Variants in RALGDS observed in about 807,000 individuals in gnomAD.
RALGDS encodes the protein ral guanine nucleotide exchange factor.
A neutral mutation model predicts 99.8 loss-of-function variants in RALGDS; 44 were observed. The ratio of observed to expected loss-of-function variants is 0.44; its 90% CI spans 0.35 to 0.57. RALGDS has a LOEUF of 0.57. RALGDS is among the 20% of genes least tolerant of loss of function. The pLI is 0.01. For missense variants in RALGDS, 1,022 were observed against 1,203.1 expected (o/e 0.85, Z 2.23); for synonymous variants, 529 against 505.0 (o/e 1.05, Z -0.64).
At chr9:133,113,683 A>C (rs769885904) in intron 1 of RALGDS, among the ~76,000 whole-genome samples, 1 of 152,168 alleles carries the variant, frequency 6.6e-6, no homozygotes, top group Non-Finnish European at 1.5e-5. Flanking sequence ...CTTTGAAAAG[A>C]AAAGCATTAG....
rs1237405970 is a variant in RALGDS at position 133,112,145 on chromosome 9, G to A, written c.191C>T (p.Thr64Met). Reference protein sequence around the residue: ...DPDLPRPESSTQEIGEELING... With the variant: ...DPDLPRPESSMQEIGEELING... The stretch of plus-strand genomic sequence containing the variant: ...GATCAGCTCCTCACCGATCTCCTGC[G>A]TGGAGCTCTGTGAAGACAACGCCCG... Residue 64 changes from threonine to methionine, a missense_variant, in exon 2 of 18, where the codon ACG (threonine) becomes ATG (methionine). This residue lies in a region of RALGDS where 180 missense variants were observed against 169.3 expected (regional missense o/e 1.06). Coordinates refer to ENST00000372050, the MANE Select transcript of RALGDS (RefSeq NM_006266.4). The A allele has an allele frequency of 3.2e-6, 5 of 1,559,992 alleles. No homozygotes were observed. The highest frequency in any genetic ancestry group is 3.5e-6 in the Non-Finnish European group (4 of 1,151,418).
chr9:133,123,518 T>C (rs1468964584), upstream of RALGDS, among the ~76,000 whole-genome samples: 2 of 152,180 alleles, frequency 1.3e-5, no homozygotes, highest in Non-Finnish European at 2.9e-5. Context: ...CATCTGACTA[T>C]ATCATCTACA....
At chr9:133,138,267 T>C (rs1588570915) in intron 1 of RALGDS, among the ~76,000 whole-genome samples, 1 of 152,158 alleles carries the variant, frequency 6.6e-6, no homozygotes, top group East Asian at 1.9e-4. Flanking sequence ...CTTGGGACTC[T>C]AGGGCCCTGG....
In RALGDS at chr9:133,144,756, G is replaced by C. The variant is rs2119277612; in HGVS notation, c.18+4207C>G. The stretch of plus-strand genomic sequence containing the variant: ...AGGCACGCGGGTACCCGGCCTTTGG[G>C]AGGGGGATCATTCCCAATACTCCTG... On this transcript the variant is annotated intron_variant, in intron 1 of 17. Coordinates refer to the RALGDS transcript ENST00000393160. This position sits in a 1 kb window ranked among gnomAD's most constrained non-coding sequence, Gnocchi z 4.5. 6.6e-6 allele frequency among the ~76,000 whole-genome samples: 1 copy of C among 152,360 alleles called. No homozygotes were observed. Among genetic ancestry groups the C allele is most frequent in the Non-Finnish European group, 1.5e-5 (1 of 68,036 alleles).
At chr9:133,136,865 A>C (rs1372054503) in intron 1 of RALGDS, among the ~76,000 whole-genome samples, 1 of 152,172 alleles carries the variant, frequency 6.6e-6, no homozygotes, top group Non-Finnish European at 1.5e-5. Flanking sequence ...TAAATCCAGG[A>C]GGTGGAGGTT....
chr9:133,128,673 C>T (rs779450531), intron 1 of RALGDS, among the ~76,000 whole-genome samples: 1 of 152,146 alleles, frequency 6.6e-6, no homozygotes, highest in East Asian at 1.9e-4. Flanking sequence ...AGTGCAGATT[C>T]GGGTTCCAGT....
At chr9:133,118,731 G>A (rs1420663848) in intron 1 of RALGDS, among the ~76,000 whole-genome samples, 1 of 152,148 alleles carries the variant, frequency 6.6e-6, no homozygotes, top group Non-Finnish European at 1.5e-5. Context: ...CTGACCTCAG[G>A]GCTTCTGGGC....
At chr9:133,129,808 TTC>T (rs1460422722) in intron 1 of RALGDS, among the ~76,000 whole-genome samples, 1 of 132,474 alleles carries the variant, frequency 7.5e-6, no homozygotes, top group African/African-American at 2.7e-5. Flanking sequence ...ATTTCCTTTC[TTC>T]TTTTTTTTTT....
At chr9:133,131,125 C>T (rs926643027), upstream of RALGDS, 56 of 1,444,118 alleles carry the variant, frequency 3.9e-5, no homozygotes, top group Middle Eastern at 7.3e-4. Context: ...ACTGCCCCAG[C>T]AGCACCTCGC....
chr9:133,108,281 C>CTGGAGCTGGTGT lies in RALGDS; in HGVS notation c.892_903dup (p.Thr298_Pro301dup). 1.3e-6 allele frequency: 2 copies of CTGGAGCTGGTGT among 1,566,322 alleles called. No homozygotes were observed. The highest frequency in any genetic ancestry group is 1.9e-5 in the Admixed American group (1 of 52,494). On this transcript the variant is annotated inframe_insertion, in exon 6 of 18. Coordinates refer to ENST00000372050, the MANE Select transcript of RALGDS (RefSeq NM_006266.4). Reference sequence around the variant, plus strand: ...GCTGGAGCTACTTCTAGCTCTGAACCTGGAGCTGGTGTTGGAGCTGGCTCT... The same window carrying CTGGAGCTGGTGT: ...GCTGGAGCTACTTCTAGCTCTGAACCTGGAGCTGGTGTTGGAGCTGGTGTTGGAGCTGGCTCT...
At position 133,121,089 on chromosome 9, in the gene RALGDS, G is replaced by A; in HGVS notation, c.66C>T (p.Gly22=). Residue 22 remains glycine, a synonymous_variant, in exon 1 of 18, where the codon GGC becomes GGT. Transcript: ENST00000372050. The stretch of plus-strand genomic sequence containing the variant: ...CCCACACGCTGCGGCTCCGCCGGGA[G>A]CCCGGAAACAGCGGCTCGGCGCCGC... ...PAGGAEPLFP[G]SRRSRSVWDA... 1.4e-6 allele frequency: 2 copies of A among 1,478,678 alleles called. No homozygotes were observed. Among genetic ancestry groups the A allele is most frequent in the Middle Eastern group, 2.3e-4 (1 of 4,310 alleles). 91.6% of individuals were successfully genotyped at this position (1,478,678 alleles called of 1,614,324 possible). A position where few individuals can be genotyped will look rare whatever the true frequency, so the allele number is the denominator to read the frequency against.
rs1413993925 is a variant in RALGDS at position 133,105,848 on chromosome 9, A to AGCCCCCGCCCCC, written c.1602+83_1602+84insGGGGGCGGGGGC. On this transcript the variant is annotated intron_variant, in intron 9 of 17. Transcript: ENST00000372050. ...CAGCCCCCGCCCCAGCCCCCGCCCC[A>AGCCCCCGCCCCC]GCCCCCGCCCCAGCCCCAGCCCCCG... 4 of 181,738 alleles carry AGCCCCCGCCCCC rather than the reference A, an allele frequency of 2.2e-5. No individual in the cohort carries two copies. The African/African-American group carries it at 3.8e-4, about 17-fold the overall frequency. The allele number at this position is 181,738 out of a possible 1,614,324, so 11.3% of individuals were successfully genotyped here.
chr9:133,138,383 G>C (rs1832460221), intron 1 of RALGDS, among the ~76,000 whole-genome samples: 1 of 152,190 alleles, frequency 6.6e-6, no homozygotes, highest in South Asian at 2.1e-4. Context: ...AGGCTCAAGG[G>C]CCTCTCCTAT....
chr9:133,124,351 GAC>G (rs1358472218), upstream of RALGDS, among the ~76,000 whole-genome samples: 12 of 152,056 alleles, frequency 7.9e-5, no homozygotes, highest in African/African-American at 2.4e-5. Flanking sequence ...CAGAGATAGA[GAC>G]ACACAGACAG....
Position 133,110,419 on chromosome 9 carries a change from TCCAGCGTG to T in RALGDS, c.357_364del (p.Thr120GlufsTer26). 6.2e-7 allele frequency: 1 copy of T among 1,613,364 alleles called. No individual in the cohort carries two copies. Among genetic ancestry groups the T allele is most frequent in the Non-Finnish European group, 8.5e-7 (1 of 1,179,772 alleles). ...TGGCACCAGGTGCTCCACCAGCTTCTCCAGCGTGCCAGCCTTCACGGTCCGCACCTTGC... is the reference window on the plus strand; with the variant it reads ...TGGCACCAGGTGCTCCACCAGCTTCTCCAGCCTTCACGGTCCGCACCTTGC... On this transcript the variant is annotated frameshift_variant, in exon 3 of 18. Transcript: ENST00000372050. LOFTEE classifies it high-confidence loss of function.
intron 1 of RALGDS, chr9:133,148,890 C>G (rs73660456): frequency 2.6e-5 from 40 of 1,551,072 alleles, no homozygotes; most frequent in Non-Finnish European, 3.1e-5. Context: ...CTCCCTCCCC[C>G]CGGTGGGTGT....
At chr9:133,121,376 C>T (rs1257832675), upstream of RALGDS, 1 of 268,690 alleles carries the variant, frequency 3.7e-6, no homozygotes, top group Non-Finnish European at 5.7e-6. Context: ...CCGCCCTCGC[C>T]GAGGTCAGAC....
At chr9:133,118,789 C>T (rs1387198216) in intron 1 of RALGDS, among the ~76,000 whole-genome samples, 2 of 152,214 alleles carry the variant, frequency 1.3e-5, no homozygotes, top group African/African-American at 4.8e-5. Context: ...ACAGTAGGTG[C>T]CACAGAGAAC....
intron 1 of RALGDS, among the ~76,000 whole-genome samples, chr9:133,138,379 A>C (rs1235786916): frequency 1.3e-5 from 2 of 152,126 alleles, no homozygotes; most frequent in African/African-American, 2.4e-5. Flanking sequence ...GGCGAGGCTC[A>C]AGGGCCTCTC....
Sources: allele counts gnomAD v4.1 joint callset (sites outside exome capture counted in the v4.1 genomes callset), GRCh38; gene constraint gnomAD v4.1.1; regional missense constraint gnomAD v4.1.1; non-coding constraint Gnocchi (gnomAD v3.1); transcripts MANE v1.5; gene names NCBI Gene and HGNC (gene_info 2026-07-23, HGNC 2026-07-21).